Variants in TSHZ3 observed in about 807,000 individuals in gnomAD.
TSHZ3 encodes the protein teashirt zinc finger homeobox 3.
In TSHZ3, 10 loss-of-function variants were observed where a neutral mutation model predicts 64.5. That is an observed-to-expected ratio of 0.16 (90% CI 0.10 to 0.26). The LOEUF is 0.26. TSHZ3 is among the 10% of genes least tolerant of loss of function. The pLI is 1.00. For synonymous variants in TSHZ3, 608 were observed against 593.1 expected (o/e 1.03, Z -0.36); for missense variants, 1,242 against 1,421.7 (o/e 0.87, Z 2.03).
At chr19:31,322,231 G>A (rs746942563) in intron 1 of TSHZ3, among the ~76,000 whole-genome samples, 3 of 152,148 alleles carry the variant, frequency 2.0e-5, no homozygotes, top group Non-Finnish European at 4.4e-5. Context: ...TATCTCCTGG[G>A]TTCAAACGAT....
At chr19:31,204,960 G>C (rs1568347264) in exon 5 of TSHZ3, 1 of 152,236 alleles carries the variant, frequency 6.6e-6, no homozygotes, top group Admixed American at 6.5e-5. Flanking sequence ...ATGTACCTTT[G>C]AAAAGGTGGA....
intron 4 of TSHZ3, among the ~76,000 whole-genome samples, chr19:31,209,202 A>G (rs907399989): frequency 3.3e-5 from 5 of 152,338 alleles, no homozygotes; most frequent in Non-Finnish European, 5.9e-5. Context: ...TGCAGGGGAA[A>G]AAAAAGAATG....
At chr19:31,348,222 T>C (rs916777291) in intron 1 of TSHZ3, among the ~76,000 whole-genome samples, 1 of 152,198 alleles carries the variant, frequency 6.6e-6, no homozygotes, top group Admixed American at 6.5e-5. Flanking sequence ...AAGTGATTTA[T>C]TGATGTTTAT....
At chr19:31,228,774 G>A (rs979688869) in intron 3 of TSHZ3, among the ~76,000 whole-genome samples, 1 of 152,130 alleles carries the variant, frequency 6.6e-6, no homozygotes, top group Non-Finnish European at 1.5e-5. Flanking sequence ...AGCAGAGCCT[G>A]CACAGAAGGA....
At chr19:31,228,157 G>A (rs146539979) in intron 3 of TSHZ3, among the ~76,000 whole-genome samples, 42 of 152,290 alleles carry the variant, frequency 2.8e-4, no homozygotes, top group African/African-American at 1.0e-3. Flanking sequence ...GGAGAGTAGA[G>A]GGAGCATTGC....
intron 1 of TSHZ3, among the ~76,000 whole-genome samples, chr19:31,303,321 G>T (rs16965430): frequency 0.033 from 4,969 of 152,252 alleles, 305 homozygotes; most frequent in African/African-American, 0.12. Context: ...TAAGGAATAC[G>T]CCCGGGTCTG....
chr19:31,297,460 A>C (rs981413367), intron 1 of TSHZ3, among the ~76,000 whole-genome samples: 1 of 152,002 alleles, frequency 6.6e-6, no homozygotes, highest in Non-Finnish European at 1.5e-5. Context: ...AGAAAGTTCT[A>C]CAACCTCGAT....
intron 3 of TSHZ3, among the ~76,000 whole-genome samples, chr19:31,234,611 T>A (rs931165151): frequency 1.8e-4 from 27 of 152,234 alleles, no homozygotes; most frequent in African/African-American, 6.0e-4. Context: ...TTCATCAAAC[T>A]CTTTTGCTGC....
chr19:31,320,336 T>C (rs1036043019), intron 1 of TSHZ3, among the ~76,000 whole-genome samples: 1 of 152,198 alleles, frequency 6.6e-6, no homozygotes, highest in Non-Finnish European at 1.5e-5. Context: ...TTGACTTGCT[T>C]TATCTACCCA....
chr19:31,228,704 T>G (rs540541397), intron 3 of TSHZ3, among the ~76,000 whole-genome samples: 1 of 152,124 alleles, frequency 6.6e-6, no homozygotes, highest in Non-Finnish European at 1.5e-5. Flanking sequence ...CATGGACAGA[T>G]TGCAGAGAGT....
Position 31,262,992 on chromosome 19 carries a change from T to C in TSHZ3, n.64-20117A>G, listed in dbSNP as rs865866024. ...AGGACCTCAGGAGAGAAAACCCAGATGAAATTAATTTCCTGTAACCCCCTT... is the reference window on the plus strand; with the variant it reads ...AGGACCTCAGGAGAGAAAACCCAGACGAAATTAATTTCCTGTAACCCCCTT... On this transcript the variant is annotated intron_variant and non_coding_transcript_variant, in intron 1 of 6. Transcript: ENST00000651361. Among the ~76,000 whole-genome samples the C allele has an allele frequency of 6.6e-5, 10 of 152,342 alleles. No individual in the cohort carries two copies. The Middle Eastern group carries it at 0.01, about 155-fold the overall frequency.
intron 4 of TSHZ3, among the ~76,000 whole-genome samples, chr19:31,222,619 G>A (rs546866300): frequency 6.6e-6 from 1 of 152,308 alleles, no homozygotes; most frequent in East Asian, 1.9e-4. Context: ...CCTCTGGACT[G>A]GAGCTTCAGC....
intron 5 of TSHZ3, among the ~76,000 whole-genome samples, chr19:31,187,046 T>C (rs1217935340): frequency 6.6e-6 from 1 of 152,128 alleles, no homozygotes; most frequent in African/African-American, 2.4e-5. Context: ...ATTGAGTTCT[T>C]TTGGGGTACA....
At chr19:31,264,556 C>T (rs913100245) in intron 1 of TSHZ3, among the ~76,000 whole-genome samples, 19 of 152,268 alleles carry the variant, frequency 1.2e-4, no homozygotes, top group African/African-American at 4.3e-4. Context: ...AGCCAGAGAG[C>T]GGATGTCCTG....
intron 1 of TSHZ3, chr19:31,308,402 C>T (rs546801325): frequency 2.0e-4 from 75 of 368,764 alleles, no homozygotes; most frequent in Admixed American, 3.2e-4. Context: ...AGGGAAAATG[C>T]GCTGGAACAT....
At chr19:31,274,479 TC>T (rs780286182), downstream of TSHZ3, among the ~76,000 whole-genome samples, 17 of 152,086 alleles carry the variant, frequency 1.1e-4, no homozygotes, top group Admixed American at 3.3e-4. Context: ...TGGTTCTGTT[TC>T]CCGCTGTTTG....
rs953894495 is a variant in TSHZ3 at position 31,267,447 on chromosome 19, C to T, written n.64-24572G>A. ...CACTCATTCTCTAGGAGTCTGGAAGCGCCCTCAATCCCCCACCACTCCTTC... is the reference window on the plus strand; with the variant it reads ...CACTCATTCTCTAGGAGTCTGGAAGTGCCCTCAATCCCCCACCACTCCTTC... On this transcript the variant is annotated intron_variant and non_coding_transcript_variant, in intron 1 of 6. Coordinates refer to the TSHZ3 transcript ENST00000651361. Among the ~76,000 whole-genome samples, 16 of 152,088 alleles carry T rather than the reference C, an allele frequency of 1.1e-4. 1 individual carries two copies. The highest frequency in any genetic ancestry group is 3.2e-3 in the Middle Eastern group (1 of 316).
chr19:31,152,737 T>A (rs1974257908), intron 6 of TSHZ3, among the ~76,000 whole-genome samples: 1 of 152,150 alleles, frequency 6.6e-6, no homozygotes. Flanking sequence ...CCATTCCTGA[T>A]CCTAACTTCC....
intron 4 of TSHZ3, among the ~76,000 whole-genome samples, chr19:31,217,124 A>G (rs1322106304): frequency 2.0e-5 from 3 of 152,190 alleles, no homozygotes; most frequent in African/African-American, 4.8e-5. Flanking sequence ...GAATGGAGAC[A>G]TGAAGGACTA....
Sources: allele counts gnomAD v4.1 joint callset (sites outside exome capture counted in the v4.1 genomes callset), GRCh38; gene constraint gnomAD v4.1.1; transcripts MANE v1.5; gene names NCBI Gene and HGNC (gene_info 2026-07-23, HGNC 2026-07-21).